MED14: variants seen among roughly 807,000 people sequenced by gnomAD.
MED14 encodes the protein mediator complex subunit 14.
A neutral mutation model predicts 109.0 loss-of-function variants in MED14; 8 were observed. The observed-to-expected ratio is 0.07, with a 90% CI of 0.04 to 0.13. MED14 has a LOEUF of 0.13. MED14 is among the 10% of genes least tolerant of loss of function. MED14 has a pLI of 1.00. For missense variants in MED14, 711 were observed against 1,142.4 expected (o/e 0.62, Z 5.44); for synonymous variants, 399 against 408.7 (o/e 0.98, Z 0.29).
chrX:40,683,025 T>C, intron 16 of MED14, 29 bp from the exon 17 acceptor site: 3 of 1,140,576 alleles, frequency 2.6e-6, no homozygotes, highest in Non-Finnish European at 3.6e-6. Context: ...ATATGAAGTA[T>C]ACTTTACACA....
intron 23 of MED14, among the ~76,000 whole-genome samples, chrX:40,667,374 C>T (rs1929534051): frequency 9.0e-6 from 1 of 111,624 alleles, no homozygotes; most frequent in African/African-American, 3.3e-5. Flanking sequence ...TGAGCTGAGA[C>T]GTGAAGAAAG....
intron 21 of MED14, among the ~76,000 whole-genome samples, chrX:40,676,248 C>T (rs1482598879): frequency 6.3e-5 from 7 of 111,980 alleles, no homozygotes; most frequent in South Asian, 7.4e-4. Flanking sequence ...CCCACCACTG[C>T]GCTCCAGCCT....
intron 4 of MED14, among the ~76,000 whole-genome samples, chrX:40,714,215 A>G (rs1931435396): frequency 8.9e-6 from 1 of 112,133 alleles, no homozygotes; most frequent in African/African-American, 3.2e-5. Flanking sequence ...CCAAGTCAGT[A>G]AACTACCAAA....
intron 21 of MED14, among the ~76,000 whole-genome samples, chrX:40,677,311 G>A (rs1317912510): frequency 9.0e-6 from 1 of 111,646 alleles, no homozygotes; most frequent in Non-Finnish European, 1.9e-5. Flanking sequence ...CTGATATCGG[G>A]AGTTTCCCAA....
intron 28 of MED14, among the ~76,000 whole-genome samples, chrX:40,658,773 G>C (rs1351011832): frequency 1.8e-5 from 2 of 108,243 alleles, no homozygotes; most frequent in Non-Finnish European, 3.8e-5. Context: ...TGAGGTGGGA[G>C]AATCACCTGA....
intron 2 of MED14, 50 bp downstream of exon 2, chrX:40,729,269 A>C: frequency 8.6e-7 from 1 of 1,158,135 alleles, no homozygotes; most frequent in Non-Finnish European, 1.2e-6. Flanking sequence ...ACCAACACTC[A>C]TAGATTGATC....
At chrX:40,672,197 GA>G (rs749048562) in intron 22 of MED14, among the ~76,000 whole-genome samples, 5 of 111,838 alleles carry the variant, frequency 4.5e-5, no homozygotes, top group Non-Finnish European at 9.4e-5. Flanking sequence ...CCTCTTTCCC[GA>G]TCTTGCAATG....
intron 2 of MED14, among the ~76,000 whole-genome samples, chrX:40,727,651 T>C (rs1931936213): frequency 8.9e-6 from 1 of 111,732 alleles, no homozygotes; most frequent in Non-Finnish European, 1.9e-5. Flanking sequence ...TAATCATATC[T>C]TTTATGGTTT....
At chrX:40,726,941 A>C in intron 2 of MED14, 90 bp from the exon 3 acceptor site, 1 of 761,569 alleles carries the variant, frequency 1.3e-6, no homozygotes, top group Non-Finnish European at 1.9e-6. Flanking sequence ...ATAAATAAAT[A>C]AATCAGCCTT....
At chrX:40,706,059 G>T (rs1411502200) in intron 10 of MED14, among the ~76,000 whole-genome samples, 1 of 111,072 alleles carries the variant, frequency 9.0e-6, no homozygotes, top group African/African-American at 3.3e-5. Flanking sequence ...TCCACTCTCT[G>T]AGCTACTCAT....
At position 40,692,639 on chromosome X, in the gene MED14, A is replaced by C. The variant is rs1306545642; in HGVS notation, c.1845+69T>G. 4 of 1,031,558 alleles carry C rather than the reference A, an allele frequency of 3.9e-6. No homozygotes were observed. In the Admixed American group the frequency reaches 1.3e-4, roughly 33 times the overall value. The allele number at this position is 1,031,558 out of a possible 1,213,427, so 85.0% of individuals were successfully genotyped here. On this transcript the variant is annotated intron_variant, in intron 14 of 30. Transcript: ENST00000324817. ...TGTATCTTAGTTCTTTCTCATATTAAAAATGAGTAAAGAACACAACCAAGT... is the reference window on the plus strand; with the variant it reads ...TGTATCTTAGTTCTTTCTCATATTACAAATGAGTAAAGAACACAACCAAGT...
chrX:40,711,132 G>A, intron 8 of MED14, 37 bp downstream of exon 8: 3 of 1,189,712 alleles, frequency 2.5e-6, no homozygotes, highest in Non-Finnish European at 3.4e-6. Flanking sequence ...AGTATTTACA[G>A]TCATAGCACG....
chrX:40,684,243 C>T (rs897635332), intron 16 of MED14, among the ~76,000 whole-genome samples: 2 of 111,348 alleles, frequency 1.8e-5, no homozygotes, highest in African/African-American at 3.3e-5. Flanking sequence ...CAGGCCTCTA[C>T]CTACTAGGTG....
At chrX:40,713,202 T>A (rs1931393107) in intron 5 of MED14, among the ~76,000 whole-genome samples, 160 bp from the exon 6 acceptor site, 1 of 111,964 alleles carries the variant, frequency 8.9e-6, no homozygotes, top group African/African-American at 3.2e-5. Flanking sequence ...GAATAAGAAG[T>A]AGCCAGCTTC....
At chrX:40,659,988 T>C (rs1331747445) in intron 26 of MED14, among the ~76,000 whole-genome samples, 3 of 112,286 alleles carry the variant, frequency 2.7e-5, no homozygotes, top group Non-Finnish European at 5.6e-5. Context: ...CCAAAAGTTG[T>C]AAGGGGACTT....
intron 21 of MED14, among the ~76,000 whole-genome samples, chrX:40,678,135 C>T (rs5963833): frequency 0.023 from 2,549 of 110,642 alleles, 71 homozygotes; most frequent in African/African-American, 0.08. Context: ...ATGCAATGTG[C>T]AACATAAAAG....
chrX:40,688,673 T>TC (rs1930385465), intron 15 of MED14, 143 bp from the exon 16 acceptor site: 1 of 397,226 alleles, frequency 2.5e-6, no homozygotes, highest in Non-Finnish European at 4.5e-6. Context: ...ATGAGTATTA[T>TC]CCCCATCATT....
chrX:40,727,895 C>T (rs1931942205), intron 2 of MED14, among the ~76,000 whole-genome samples: 1 of 111,771 alleles, frequency 8.9e-6, no homozygotes, highest in African/African-American at 3.3e-5. Context: ...AGGCTAGCTC[C>T]TACTGAGAGC....
chrX:40,706,357 T>G (rs1365138529), intron 10 of MED14, among the ~76,000 whole-genome samples: 1 of 111,579 alleles, frequency 9.0e-6, no homozygotes, highest in East Asian at 2.8e-4. Flanking sequence ...AAAGCAGAAC[T>G]GAGGAGATCA....
Sources: gnomAD v4.1 joint callset for allele counts (sites outside exome capture counted in the v4.1 genomes callset) on GRCh38, gnomAD v4.1.1 for gene constraint, MANE v1.5 for transcripts, NCBI Gene and HGNC (gene_info 2026-07-23, HGNC 2026-07-21) for gene names.